Variants in PDCD11 observed in about 807,000 individuals in gnomAD.
PDCD11 encodes the protein programmed cell death 11.
PDCD11 carries 97 observed loss-of-function variants against 198.9 expected under a neutral mutation model. The observed-to-expected ratio is 0.49, with a 90% CI of 0.41 to 0.58. The LOEUF is 0.58. Ranked by LOEUF, PDCD11 falls within the 20% of genes least tolerant of loss-of-function variation. The probability of loss-of-function intolerance (pLI) is 0.00; values close to 1 mark genes in which losing one functional copy is unlikely to be tolerated. For missense variants in PDCD11, 2,102 were observed against 2,312.7 expected, an observed-to-expected ratio of 0.91 and a Z score of 1.87; for synonymous variants, 893 against 918.0, an observed-to-expected ratio of 0.97 and a Z score of 0.49.
chr10:103,416,081 A>G (rs1009795784), intron 12 of PDCD11, among the ~76,000 whole-genome samples: 2 of 152,170 alleles, frequency 1.3e-5, no homozygotes, highest in African/African-American at 4.8e-5. Context: ...AGACAGTTGC[A>G]TCTCCATCTT....
chr10:103,441,904 C>A lies in PDCD11; in HGVS notation c.4636C>A (p.Leu1546Met), dbSNP rs2032400346. The A allele has an allele frequency of 2.5e-6, 4 of 1,614,094 alleles. No homozygotes were observed. Among genetic ancestry groups the A allele is most frequent in the Admixed American group, 3.3e-5 (2 of 60,012 alleles). ...GFAWNVGLDS[L>M]TPALPPLAES... ...CGCTTGGAATGTGGGACTAGACTCT[C>A]TGACCCCGGCCTTGCCACCTCTAGC... The change falls in exon 31 of 36, where the codon CTG becomes ATG. Residue 1546 changes from leucine to methionine, a missense_variant. Transcript: ENST00000369797.
At chr10:103,407,221 T>G (rs1180298645) in intron 7 of PDCD11, among the ~76,000 whole-genome samples, 1 of 152,188 alleles carries the variant, frequency 6.6e-6, no homozygotes, top group Non-Finnish European at 1.5e-5. Context: ...TATCTCTTGA[T>G]TTTTCCATCT....
intron 32 of PDCD11, 95 bp downstream of exon 32, chr10:103,442,555 A>C: frequency 6.9e-7 from 1 of 1,453,958 alleles, no homozygotes; most frequent in Non-Finnish European, 9.3e-7. Flanking sequence ...GCAGGCCGGC[A>C]GCATTTTGGG....
chr10:103,418,996 T>A (rs1269902690), intron 15 of PDCD11, among the ~76,000 whole-genome samples: 1 of 150,878 alleles, frequency 6.6e-6, no homozygotes, highest in African/African-American at 2.5e-5. Context: ...TTTTTTTTTT[T>A]CCCCTATGCC....
chr10:103,417,914 A>G lies in PDCD11; in HGVS notation c.1893A>G (p.Lys631=), dbSNP rs144933488. The stretch of plus-strand genomic sequence containing the variant: ...CAGGACACAGTCAGAAGAAAGGAAA[A>G]GCCATTAACATTGGGCAGGTACGTG... ...EPAGHSQKKG[K]AINIGQLVDV... The change falls in exon 14 of 36, where the codon AAA becomes AAG. Residue 631 remains lysine (K), a synonymous_variant. Transcript: ENST00000369797. 2.5e-6 allele frequency: 4 copies of G among 1,614,176 alleles called. No individual in the cohort carries two copies. The highest frequency in any genetic ancestry group is 2.5e-6 in the Non-Finnish European group (3 of 1,180,024).
At chr10:103,418,343 G>C in intron 14 of PDCD11, 97 bp from the exon 15 acceptor site, 1 of 953,430 alleles carries the variant, frequency 1.0e-6, no homozygotes, top group Non-Finnish European at 1.6e-6. Flanking sequence ...GAGATCCTTG[G>C]TGCCGGAGTT....
intron 17 of PDCD11, among the ~76,000 whole-genome samples, chr10:103,422,283 G>A (rs1018647419): frequency 2.0e-5 from 3 of 151,680 alleles, no homozygotes; most frequent in Admixed American, 6.6e-5. Flanking sequence ...GTTTCGCCAT[G>A]TTGGCCAGGC....
intron 19 of PDCD11, among the ~76,000 whole-genome samples, chr10:103,424,006 C>T (rs1303602585): frequency 6.6e-6 from 1 of 152,128 alleles, no homozygotes; most frequent in Non-Finnish European, 1.5e-5. Flanking sequence ...TCAGTCCCGC[C>T]CAATTGTTGC....
intron 13 of PDCD11, 75 bp downstream of exon 13, chr10:103,416,817 G>T (rs2031137040): frequency 1.3e-6 from 2 of 1,534,904 alleles, no homozygotes; most frequent in African/African-American, 1.4e-5. Flanking sequence ...GCAGTAAGTA[G>T]TGGGGCTGCC....
Position 103,445,828 on chromosome 10 carries a change from G to GGT in PDCD11, c.*280_*281dup. On this transcript the variant is annotated 3_prime_UTR_variant, in exon 36 of 36. Transcript: ENST00000369797. ...CCCCTGGACTCCCAGAAATGCTGAG[G>GGT]GTCCCTCTTCCAGGGGAGTTCCCTG... 2.7e-6 allele frequency: 1 copy of GGT among 373,494 alleles called. No individual in the cohort carries two copies. The highest frequency in any genetic ancestry group is 5.0e-6 in the Non-Finnish European group (1 of 201,834). 23.1% of individuals were successfully genotyped at this position (373,494 alleles called of 1,614,324 possible).
At chr10:103,397,071 C>T (rs1020378856) in intron 1 of PDCD11, among the ~76,000 whole-genome samples, 1 of 152,098 alleles carries the variant, frequency 6.6e-6, no homozygotes, top group Non-Finnish European at 1.5e-5. Flanking sequence ...TTGGCCCCAC[C>T]CGGTCATCAC....
chr10:103,438,972 TA>T (rs1283200855), intron 27 of PDCD11, among the ~76,000 whole-genome samples, 164 bp downstream of exon 27: 2 of 152,224 alleles, frequency 1.3e-5, no homozygotes, highest in Non-Finnish European at 2.9e-5. Context: ...CTAATACTTT[TA>T]AAACAACTGT....
At chr10:103,411,180 G>A (rs906805450) in intron 8 of PDCD11, among the ~76,000 whole-genome samples, 1 of 151,986 alleles carries the variant, frequency 6.6e-6, no homozygotes, top group Non-Finnish European at 1.5e-5. Context: ...GCCTCCCAAA[G>A]TGCAGGGATT....
intron 25 of PDCD11, among the ~76,000 whole-genome samples, chr10:103,437,301 C>T (rs542391060): frequency 6.6e-6 from 1 of 152,172 alleles, no homozygotes. Flanking sequence ...GCCACCACAC[C>T]TGGCTTTTTA....
Position 103,421,403 on chromosome 10 carries a change from C to A in PDCD11, c.2333C>A (p.Thr778Lys), listed in dbSNP as rs1291528369. The A allele has an allele frequency of 1.9e-6, 3 of 1,609,406 alleles. No homozygotes were observed. The highest frequency in any genetic ancestry group is 2.5e-6 in the Non-Finnish European group (3 of 1,177,990). ...AGTGACCACTTTGTTGAGGGCCAGACAGTAGCGGCAAAGGTGACCAATGTG... is the reference window on the plus strand; with the variant it reads ...AGTGACCACTTTGTTGAGGGCCAGAAAGTAGCGGCAAAGGTGACCAATGTG... ...STSDHFVEGQ[T>K]VAAKVTNVDE... The change falls in exon 17 of 36, where the codon ACA becomes AAA. Residue 778 changes from threonine (T) to lysine (K), a missense_variant. Thr to Lys is a moderately conservative substitution (Grantham distance 78). Transcript: ENST00000369797.
intron 9 of PDCD11, 150 bp from the exon 10 acceptor site, chr10:103,413,816 T>C (rs935153080): frequency 2.7e-6 from 2 of 746,504 alleles, no homozygotes; most frequent in Non-Finnish European, 4.1e-6. Context: ...TAAAGAGCAG[T>C]TTTTTAGTGT....
chr10:103,403,376 A>G, intron 4 of PDCD11, 91 bp downstream of exon 4: 1 of 1,204,362 alleles, frequency 8.3e-7, no homozygotes, highest in Non-Finnish European at 1.2e-6. Context: ...TAAGAAGGGA[A>G]AGTACAAGGT....
intron 16 of PDCD11, among the ~76,000 whole-genome samples, chr10:103,421,091 G>C (rs1201015876): frequency 6.6e-6 from 1 of 152,110 alleles, no homozygotes; most frequent in African/African-American, 2.4e-5. Flanking sequence ...GGTCAGGCTG[G>C]TCTGGAACTC....
At chr10:103,444,375 T>G (rs2032512068) in intron 34 of PDCD11, 142 bp from the exon 35 acceptor site, 2 of 791,328 alleles carry the variant, frequency 2.5e-6, no homozygotes, top group South Asian at 1.7e-5. Context: ...CCCACCCCTT[T>G]TGGGTCTTTG....
Sources: allele counts gnomAD v4.1 joint callset (sites outside exome capture counted in the v4.1 genomes callset), GRCh38; gene constraint gnomAD v4.1.1; transcripts MANE v1.5; gene names NCBI Gene and HGNC (gene_info 2026-07-23, HGNC 2026-07-21).